GNAQ: variants seen among roughly 807,000 people sequenced by gnomAD.
GNAQ encodes guanine nucleotide-binding protein G(q) subunit alpha.
GNAQ carries 8 observed loss-of-function variants against 43.9 expected under a neutral mutation model. The ratio of observed to expected loss-of-function variants is 0.18; its 90% CI spans 0.11 to 0.33. GNAQ has a LOEUF of 0.33. Among genes scored for constraint, GNAQ ranks in the 10% least tolerant of loss-of-function variants. GNAQ has a pLI of 1.00. For synonymous variants in GNAQ, 155 were observed against 170.7 expected, an observed-to-expected ratio of 0.91 and a Z score of 0.71; for missense variants, 158 against 450.8, an observed-to-expected ratio of 0.35 and a Z score of 5.88.
At chr9:77,924,897 A>T (rs150367696) in intron 1 of GNAQ, among the ~76,000 whole-genome samples, 14 of 152,174 alleles carry the variant, frequency 9.2e-5, no homozygotes, top group African/African-American at 3.4e-4. Flanking sequence ...AGGGATTTCA[A>T]CAGCTTTGTT....
intron 2 of GNAQ, among the ~76,000 whole-genome samples, chr9:77,886,487 C>T (rs1053112681): frequency 1.4e-4 from 21 of 150,660 alleles, no homozygotes; most frequent in African/African-American, 4.6e-4. Flanking sequence ...TCAGAAAGAA[C>T]GCCCCACAGA....
intron 6 of GNAQ, among the ~76,000 whole-genome samples, 192 bp downstream of exon 6, chr9:77,728,322 T>C (rs1311741078): frequency 2.6e-5 from 4 of 152,208 alleles, no homozygotes; most frequent in African/African-American, 4.8e-5. Flanking sequence ...ACTTTTAGCA[T>C]TGTTAAGGAA....
chr9:77,940,567 C>A (rs1241335237), intron 1 of GNAQ, among the ~76,000 whole-genome samples: 1 of 148,872 alleles, frequency 6.7e-6, no homozygotes, highest in East Asian at 2.0e-4. Flanking sequence ...CGACAGAGAC[C>A]CTGTCTCTTA....
rs767021243 is a variant in GNAQ at position 78,031,157 on chromosome 9, G to T, written c.79C>A (p.Arg27=). 13 of 1,553,178 alleles carry T rather than the reference G, an allele frequency of 8.4e-6. No individual in the cohort carries two copies. Among genetic ancestry groups the T allele is most frequent in the Non-Finnish European group, 1.1e-5 (13 of 1,150,480 alleles). The change falls in exon 1 of 7, where the codon CGG becomes AGG. Residue 27 remains arginine (R), a synonymous_variant. Coordinates refer to ENST00000286548, the MANE Select transcript of GNAQ (RefSeq NM_002072.5). ...TCCCGCTTGTCCCTGCGGAGCTGCC[G>T]CTCGATCTCGTCGTTGATCCGCCGG... ...EARRINDEIE[R]QLRRDKRDAR...
At chr9:77,947,612 C>CT (rs1452112335) in intron 1 of GNAQ, among the ~76,000 whole-genome samples, 1 of 152,174 alleles carries the variant, frequency 6.6e-6, no homozygotes, top group Non-Finnish European at 1.5e-5. Flanking sequence ...ATACATGCCC[C>CT]TTTATTTCCC....
chr9:77,931,587 T>G (rs1342916903), intron 1 of GNAQ, among the ~76,000 whole-genome samples: 1 of 150,530 alleles, frequency 6.6e-6, no homozygotes, highest in Admixed American at 6.6e-5. Context: ...CGAGTGAGAC[T>G]CTGTCTCAAA....
chr9:77,754,109 G>T (rs1430811701), intron 5 of GNAQ, among the ~76,000 whole-genome samples: 1 of 152,184 alleles, frequency 6.6e-6, no homozygotes, highest in Non-Finnish European at 1.5e-5. Context: ...CCTCAGCGTG[G>T]ATGGCACCCT....
intron 3 of GNAQ, among the ~76,000 whole-genome samples, chr9:77,809,167 G>C (rs1419620240): frequency 6.6e-6 from 1 of 152,156 alleles, no homozygotes; most frequent in Admixed American, 6.5e-5. Flanking sequence ...GTTGACTTAT[G>C]CCAAAAAGCC....
intron 5 of GNAQ, among the ~76,000 whole-genome samples, chr9:77,776,025 C>T (rs1182176235): frequency 2.0e-5 from 3 of 152,190 alleles, no homozygotes; most frequent in Non-Finnish European, 2.9e-5. Flanking sequence ...TATCTTTCCA[C>T]AAAAGTGGCA....
chr9:77,928,422 G>A (rs1399415769), intron 1 of GNAQ, among the ~76,000 whole-genome samples: 1 of 152,194 alleles, frequency 6.6e-6, no homozygotes, highest in East Asian at 1.9e-4. Context: ...AACTGGACAT[G>A]TAATTTAGTG....
chr9:77,806,363 T>C (rs1826829702), intron 3 of GNAQ, among the ~76,000 whole-genome samples: 1 of 152,236 alleles, frequency 6.6e-6, no homozygotes, highest in African/African-American at 2.4e-5. Context: ...CACATATTTA[T>C]TGGGAATCTG....
intron 2 of GNAQ, among the ~76,000 whole-genome samples, chr9:77,879,901 TA>T (rs1441704797): frequency 6.6e-6 from 1 of 152,202 alleles, no homozygotes; most frequent in Admixed American, 6.5e-5. Flanking sequence ...AAATCCCAGT[TA>T]GCTGTATTTT....
intron 1 of GNAQ, among the ~76,000 whole-genome samples, chr9:78,009,581 T>C (rs1823749242): frequency 6.6e-6 from 1 of 152,240 alleles, no homozygotes; most frequent in Admixed American, 6.5e-5. Flanking sequence ...ACTATGGCAA[T>C]CTGTCTTGAA....
intron 2 of GNAQ, among the ~76,000 whole-genome samples, chr9:77,883,260 C>T (rs945687715): frequency 2.0e-5 from 3 of 152,138 alleles, no homozygotes; most frequent in Non-Finnish European, 4.4e-5. Flanking sequence ...TAGCCTCTGC[C>T]AGTGGCCAGG....
chr9:78,026,413 TCAA>T (rs763053191), intron 1 of GNAQ, among the ~76,000 whole-genome samples: 1 of 152,168 alleles, frequency 6.6e-6, no homozygotes, highest in African/African-American at 2.4e-5. Flanking sequence ...GTACTTTGTT[TCAA>T]CAACAACAAA....
chr9:77,737,251 C>T (rs1026930855), intron 5 of GNAQ, among the ~76,000 whole-genome samples: 12 of 152,208 alleles, frequency 7.9e-5, no homozygotes, highest in African/African-American at 2.9e-4. Context: ...GATGTAATGT[C>T]TGATGGCCAA....
At chr9:77,858,376 G>A (rs977164406) in intron 2 of GNAQ, among the ~76,000 whole-genome samples, 2 of 152,102 alleles carry the variant, frequency 1.3e-5, no homozygotes, top group African/African-American at 4.8e-5. Context: ...ATCAAAGAAG[G>A]GAGGGTTTTC....
intron 3 of GNAQ, 93 bp from the exon 4 acceptor site, chr9:77,797,741 G>A (rs1826680012): frequency 9.2e-7 from 1 of 1,082,736 alleles, no homozygotes; most frequent in South Asian, 1.5e-5. Flanking sequence ...TCCTAACAGA[G>A]AAGTAAAGAA....
intron 2 of GNAQ, among the ~76,000 whole-genome samples, chr9:77,886,983 G>A (rs1222113393): frequency 1.4e-4 from 21 of 151,696 alleles, no homozygotes; most frequent in Admixed American, 2.6e-4. Flanking sequence ...TTAGCTGGGC[G>A]TGGTGGCGGG....
Sources: gnomAD v4.1 joint callset for allele counts (sites outside exome capture counted in the v4.1 genomes callset) on GRCh38, gnomAD v4.1.1 for gene constraint, MANE v1.5 for transcripts, NCBI Gene and HGNC (gene_info 2026-07-23, HGNC 2026-07-21) for gene names.